TSHR: variants seen among roughly 807,000 people sequenced by gnomAD.
TSHR encodes the protein thyrotropin receptor.
A neutral mutation model predicts 64.1 loss-of-function variants in TSHR; 51 were observed. The ratio of observed to expected loss-of-function variants is 0.80; its 90% CI spans 0.64 to 1.01. The LOEUF is 1.01. Ranked by LOEUF, TSHR falls within the 50% of genes least tolerant of loss-of-function variation. TSHR has a pLI of 0.00. For missense variants in TSHR, 877 were observed against 942.8 expected, an observed-to-expected ratio of 0.93 and a Z score of 0.91; for synonymous variants, 361 against 361.9, an observed-to-expected ratio of 1.00 and a Z score of 0.03.
At chr14:81,075,791 C>T (rs1462869690) in intron 3 of TSHR, among the ~76,000 whole-genome samples, 2 of 152,020 alleles carry the variant, frequency 1.3e-5, no homozygotes, top group Non-Finnish European at 2.9e-5. Flanking sequence ...CATCCCATTA[C>T]TGAGTATATA....
In TSHR at chr14:81,037,439, ACAAAC is replaced by A. The variant is rs1884695245; in HGVS notation, c.171-24708_171-24704del. The stretch of plus-strand genomic sequence containing the variant: ...AAATACAAAACAAACAAACAAACAA[ACAAAC>A]AAAAAACAGAAAATGATCTAACAAA... On this transcript the variant is annotated intron_variant, in intron 1 of 9. Coordinates refer to ENST00000298171, the MANE Select transcript of TSHR (RefSeq NM_000369.5). 4.7e-5 allele frequency among the ~76,000 whole-genome samples: 7 copies of A among 148,882 alleles called. No homozygotes were observed. The East Asian group carries it at 6.0e-4, about 13-fold the overall frequency.
intron 3 of TSHR, among the ~76,000 whole-genome samples, chr14:81,074,338 C>T (rs868573249): frequency 2.2e-4 from 33 of 152,080 alleles, no homozygotes; most frequent in African/African-American, 8.0e-4. Context: ...AAGATTTTTG[C>T]ATGCATGCCA....
Position 81,143,096 on chromosome 14 carries a change from T to A in TSHR, c.1038T>A (p.Thr346=), listed in dbSNP as rs779438348. Residue 346 remains threonine, a synonymous_variant, in exon 10 of 10, where the codon ACT becomes ACA. Transcript: ENST00000298171. The part of the protein sequence containing the change: ...GYKEKSKFQD[T]HNNAHYYVFF... ...AGGAAAAGTCCAAGTTCCAGGATAC[T>A]CATAACAACGCTCATTATTACGTCT... 1 of 1,614,128 alleles carries A rather than the reference T, an allele frequency of 6.2e-7. No homozygotes were observed. Among genetic ancestry groups the A allele is most frequent in the Non-Finnish European group, 8.5e-7 (1 of 1,180,020 alleles).
intron 6 of TSHR, among the ~76,000 whole-genome samples, chr14:81,093,387 C>G (rs940235485): frequency 2.6e-5 from 4 of 152,214 alleles, no homozygotes; most frequent in African/African-American, 9.6e-5. Flanking sequence ...GTAGAAAGTT[C>G]CTCTCTCATT....
chr14:81,072,914 G>A (rs1246741625), intron 3 of TSHR, among the ~76,000 whole-genome samples: 3 of 133,828 alleles, frequency 2.2e-5, no homozygotes, highest in Middle Eastern at 3.6e-3. Flanking sequence ...GGAGAATGGC[G>A]TGAACCCGGG....
intron 1 of TSHR, among the ~76,000 whole-genome samples, chr14:81,021,220 G>C (rs965827807): frequency 4.6e-5 from 7 of 152,066 alleles, no homozygotes; most frequent in African/African-American, 1.7e-4. Context: ...GTACCAAAAA[G>C]GTTGGGAACC....
chr14:81,100,011 G>A (rs1889473258), intron 7 of TSHR, among the ~76,000 whole-genome samples: 1 of 152,168 alleles, frequency 6.6e-6, no homozygotes, highest in African/African-American at 2.4e-5. Context: ...TGAAAGGATG[G>A]AAAAACGAAC....
At chr14:80,963,446 AC>A (rs1280675988) in intron 1 of TSHR, among the ~76,000 whole-genome samples, 1 of 152,116 alleles carries the variant, frequency 6.6e-6, no homozygotes, top group African/African-American at 2.4e-5. Flanking sequence ...CATGGCTGAG[AC>A]CCTACAACAA....
In TSHR at chr14:81,055,850, G is replaced by A. The variant is rs1885758036; in HGVS notation, c.171-6298G>A. Among the ~76,000 whole-genome samples the A allele has an allele frequency of 2.0e-5, 3 of 152,188 alleles. No individual in the cohort carries two copies. In the South Asian group the frequency reaches 6.2e-4, roughly 32 times the overall value. ...GGTTGAAGGGACTTGCCTTGTCTCAGATGAGACTTTGGACTGTGGACTTTT... is the reference window on the plus strand; with the variant it reads ...GGTTGAAGGGACTTGCCTTGTCTCAAATGAGACTTTGGACTGTGGACTTTT... On this transcript the variant is annotated intron_variant, in intron 1 of 9. Transcript: ENST00000298171.
At chr14:81,048,064 T>C (rs1244379107) in intron 1 of TSHR, among the ~76,000 whole-genome samples, 1 of 152,202 alleles carries the variant, frequency 6.6e-6, no homozygotes, top group Non-Finnish European at 1.5e-5. Flanking sequence ...TTGCAATAGA[T>C]AGCTCGCTTT....
intron 1 of TSHR, among the ~76,000 whole-genome samples, chr14:81,018,526 C>T (rs1328639803): frequency 6.6e-6 from 1 of 152,180 alleles, no homozygotes; most frequent in Non-Finnish European, 1.5e-5. Context: ...TGGGTAAGTG[C>T]TGTGTGGGGG....
At chr14:80,973,426 A>AAAAAAAAAAAAAAAAAAAAAAAAAAAAAC (rs1887698696) in intron 1 of TSHR, among the ~76,000 whole-genome samples, 1 of 144,160 alleles carries the variant, frequency 6.9e-6, no homozygotes, top group Non-Finnish European at 1.5e-5. Context: ...AAAAAAAAAA[A>AAAAAAAAAAAAAAAAAAAAAAAAAAAAAC]AAATCTGTGT....
At chr14:80,993,690 T>C (rs1205927170) in intron 1 of TSHR, 10 of 152,172 alleles carry the variant, frequency 6.6e-5, no homozygotes, top group Admixed American at 2.6e-4. Flanking sequence ...TGGATCATCA[T>C]GGCCACCCCA....
intron 1 of TSHR, among the ~76,000 whole-genome samples, chr14:81,014,905 T>A (rs931368346): frequency 6.6e-6 from 1 of 152,204 alleles, no homozygotes; most frequent in African/African-American, 2.4e-5. Flanking sequence ...ATACTTTAAG[T>A]TTAACTTTGT....
intron 1 of TSHR, among the ~76,000 whole-genome samples, chr14:81,029,948 A>G: frequency 6.6e-6 from 1 of 152,204 alleles, no homozygotes; most frequent in East Asian, 1.9e-4. Flanking sequence ...GGACTACAGT[A>G]TGGGATGGAT....
intron 4 of TSHR, among the ~76,000 whole-genome samples, chr14:81,089,312 G>A (rs568873968): frequency 1.2e-4 from 18 of 152,270 alleles, no homozygotes; most frequent in African/African-American, 4.3e-4. Context: ...GAAGAGGTGG[G>A]TGTGAGAGAT....
At chr14:81,114,859 T>C (rs1429970689) in intron 8 of TSHR, among the ~76,000 whole-genome samples, 1 of 152,218 alleles carries the variant, frequency 6.6e-6, no homozygotes, top group East Asian at 1.9e-4. Flanking sequence ...CCTCCTCAAG[T>C]GGGTCCCTGA....
intron 1 of TSHR, among the ~76,000 whole-genome samples, chr14:80,973,201 C>T (rs1027765910): frequency 6.6e-6 from 1 of 151,718 alleles, no homozygotes; most frequent in Admixed American, 6.6e-5. Context: ...GTCAGGAGAT[C>T]GAGACCATCC....
At position 81,143,253 on chromosome 14, in the gene TSHR, ACCC is replaced by A; in HGVS notation, c.1198_1200del (p.Pro400del). The stretch of plus-strand genomic sequence containing the variant: ...TGGGGACAGTGAAGACATGGTGTGT[ACCC>A]CCAAGTCCGATGAGTTCAACCCGTG... On this transcript the variant is annotated inframe_deletion, in exon 10 of 10. Transcript: ENST00000298171. 1 of 1,614,098 alleles carries A rather than the reference ACCC, an allele frequency of 6.2e-7. No individual in the cohort carries two copies. The highest frequency in any genetic ancestry group is 2.2e-5 in the East Asian group (1 of 44,872).
Sources: allele counts gnomAD v4.1 joint callset (sites outside exome capture counted in the v4.1 genomes callset), GRCh38; gene constraint gnomAD v4.1.1; transcripts MANE v1.5; gene names NCBI Gene and HGNC (gene_info 2026-07-23, HGNC 2026-07-21).